Variants in ZC3H8 observed in about 807,000 individuals in gnomAD.
ZC3H8 encodes zinc finger CCCH-type containing 8, also known as zinc finger CCCH domain-containing protein 8.
ZC3H8 carries 27 observed loss-of-function variants against 42.5 expected under a neutral mutation model. The ratio of observed to expected loss-of-function variants is 0.64; its 90% CI spans 0.47 to 0.88. The LOEUF is 0.88. ZC3H8 is among the 40% of genes least tolerant of loss of function. ZC3H8 has a pLI of 0.00. For missense variants in ZC3H8, 277 were observed against 336.1 expected (o/e 0.82, Z 1.37); for synonymous variants, 101 against 110.1 (o/e 0.92, Z 0.52).
chr2:112,214,603 T>TA lies in ZC3H8; in HGVS notation c.*1880dup, dbSNP rs1558913308. Reference sequence around the variant, plus strand: ...TGGTATGGCTACAATGGCTAGGTGATAGAGTACTTTGGACGAATGGCTCTT... The same window carrying TA: ...TGGTATGGCTACAATGGCTAGGTGATAAGAGTACTTTGGACGAATGGCTCTT... On this transcript the variant is annotated 3_prime_UTR_variant, in exon 9 of 9. Coordinates refer to ENST00000409573, the MANE Select transcript of ZC3H8 (RefSeq NM_032494.3). 6.6e-6 allele frequency: 1 copy of TA among 152,188 alleles called. No homozygotes were observed. Among genetic ancestry groups the TA allele is most frequent in the African/African-American group, 2.4e-5 (1 of 41,420 alleles). The allele number at this position is 152,188 out of a possible 1,614,324, so 9.4% of individuals were successfully genotyped here. A position where few individuals can be genotyped will look rare whatever the true frequency, so the allele number is the denominator to read the frequency against.
intron 2 of ZC3H8, among the ~76,000 whole-genome samples, chr2:112,242,555 C>G (rs1685621871): frequency 1.3e-5 from 2 of 152,228 alleles, no homozygotes; most frequent in Middle Eastern, 3.4e-3. Flanking sequence ...CTTACCACAT[C>G]AAAACACAAA....
chr2:112,230,959 A>T lies in ZC3H8; in HGVS notation c.844-9T>A. The stretch of plus-strand genomic sequence containing the variant: ...TTTTCAGTATCCAAAACCTAATATA[A>T]AAAAAAAATCACATAATCATTTTTA... On this transcript the variant is annotated splice_polypyrimidine_tract_variant and intron_variant, in intron 7 of 8. Coordinates refer to ENST00000409573, the MANE Select transcript of ZC3H8 (RefSeq NM_032494.3). 1 of 1,235,408 alleles carries T rather than the reference A, an allele frequency of 8.1e-7. No homozygotes were observed. The highest frequency in any genetic ancestry group is 1.1e-6 in the Non-Finnish European group (1 of 938,854). 76.5% of individuals were successfully genotyped at this position (1,235,408 alleles called of 1,614,324 possible).
At chr2:112,240,984 TGCGC>T (rs749968538) in intron 2 of ZC3H8, among the ~76,000 whole-genome samples, 2,344 of 132,298 alleles carry the variant, frequency 0.018, 37 homozygotes, top group South Asian at 0.062. Context: ...TGTGTGTGTG[TGCGC>T]GTGTGTATGT....
In ZC3H8 at chr2:112,216,295, C is replaced by T. The variant is rs984611164; in HGVS notation, c.*189G>A. ...GTCTCAGGGAAGACCAAGCCCTTCA[C>T]TTGTACATTAGATCCCAGCTCTCTG... On this transcript the variant is annotated 3_prime_UTR_variant, in exon 9 of 9. Transcript: ENST00000409573. 6.6e-6 allele frequency: 1 copy of T among 152,320 alleles called. No homozygotes were observed. Among genetic ancestry groups the T allele is most frequent in the Non-Finnish European group, 1.5e-5 (1 of 68,094 alleles). 9.4% of individuals were successfully genotyped at this position (152,320 alleles called of 1,614,324 possible). A position where few individuals can be genotyped will look rare whatever the true frequency, so the allele number is the denominator to read the frequency against.
At chr2:112,226,551 T>C (rs897585411) in intron 8 of ZC3H8, among the ~76,000 whole-genome samples, 2 of 125,234 alleles carry the variant, frequency 1.6e-5, no homozygotes, top group African/African-American at 6.4e-5. Context: ...ATTGTGCCAC[T>C]GCACTCCAGC....
chr2:112,222,148 T>G (rs1156391238), intron 8 of ZC3H8, among the ~76,000 whole-genome samples: 1 of 152,192 alleles, frequency 6.6e-6, no homozygotes, highest in Non-Finnish European at 1.5e-5. Context: ...CCTCTCTGAT[T>G]ACTGTCTCTG....
chr2:112,244,304 G>A (rs1685685292), intron 2 of ZC3H8, among the ~76,000 whole-genome samples: 1 of 151,972 alleles, frequency 6.6e-6, no homozygotes, highest in Non-Finnish European at 1.5e-5. Context: ...TCAACAATGA[G>A]GTAAATTCAA....
intron 8 of ZC3H8, among the ~76,000 whole-genome samples, chr2:112,219,234 T>C (rs1309484511): frequency 6.6e-6 from 1 of 152,108 alleles, no homozygotes; most frequent in Non-Finnish European, 1.5e-5. Flanking sequence ...GCATAAAAGA[T>C]AGACATATAG....
At chr2:112,223,418 AAAG>A (rs1684681885) in intron 8 of ZC3H8, among the ~76,000 whole-genome samples, 1 of 152,182 alleles carries the variant, frequency 6.6e-6, no homozygotes, top group Admixed American at 6.5e-5. Context: ...CCATTAAAAA[AAAG>A]AAATGAGTGT....
chr2:112,221,913 G>A (rs1296705078), intron 8 of ZC3H8, among the ~76,000 whole-genome samples: 1 of 152,178 alleles, frequency 6.6e-6, no homozygotes, highest in African/African-American at 2.4e-5. Flanking sequence ...AACTGGTACA[G>A]TCATTTGGAG....
At chr2:112,254,140 G>C (rs1340573873) in intron 1 of ZC3H8, 1 of 985,372 alleles carries the variant, frequency 1.0e-6, no homozygotes, top group Non-Finnish European at 1.2e-6. Context: ...ATTTGAGATA[G>C]AGTGAACAGC....
intron 1 of ZC3H8, among the ~76,000 whole-genome samples, chr2:112,253,037 G>A (rs1387075820): frequency 6.6e-6 from 1 of 152,054 alleles, no homozygotes; most frequent in East Asian, 1.9e-4. Context: ...GGGAGGCTGA[G>A]GCAGGAGAAT....
At chr2:112,238,674 T>C (rs1454571848) in intron 2 of ZC3H8, 146 bp from the exon 3 acceptor site, 1 of 511,414 alleles carries the variant, frequency 2.0e-6, no homozygotes, top group Non-Finnish European at 3.2e-6. Context: ...TTCTCTCCAC[T>C]CATATATTTG....
chr2:112,226,275 ATC>A (rs1684825877), intron 8 of ZC3H8, among the ~76,000 whole-genome samples: 1 of 151,796 alleles, frequency 6.6e-6, no homozygotes, highest in Non-Finnish European at 1.5e-5. Context: ...CAGAAATTGA[ATC>A]TGTTATGTAA....
In ZC3H8 at chr2:112,224,727, C is replaced by G. The variant is rs1478756486; in HGVS notation, c.*15+6176G>C. Among the ~76,000 whole-genome samples the G allele has an allele frequency of 2.0e-5, 3 of 152,150 alleles. No homozygotes were observed. The East Asian group carries it at 5.8e-4, about 29-fold the overall frequency. On this transcript the variant is annotated intron_variant, in intron 8 of 8. Transcript: ENST00000409573. ...TGAGCAAAAGACACAAGAGTGTAGA[C>G]TATATAATTCTGCTTATATGAAATT...
intron 2 of ZC3H8, among the ~76,000 whole-genome samples, chr2:112,244,516 G>A (rs1383548136): frequency 6.6e-6 from 1 of 152,084 alleles, no homozygotes; most frequent in East Asian, 1.9e-4. Flanking sequence ...AAAGTTATAG[G>A]CATACCTTAT....
At chr2:112,239,709 C>G (rs981397089) in intron 2 of ZC3H8, among the ~76,000 whole-genome samples, 7 of 151,576 alleles carry the variant, frequency 4.6e-5, no homozygotes, top group Non-Finnish European at 1.0e-4. Flanking sequence ...CTCAGCCTCC[C>G]GAGTAGCTGG....
chr2:112,239,231 A>C (rs1302290724), intron 2 of ZC3H8, among the ~76,000 whole-genome samples: 2 of 152,252 alleles, frequency 1.3e-5, no homozygotes, highest in East Asian at 3.8e-4. Flanking sequence ...GACTTAAAGC[A>C]ATTTCTGCAT....
rs181812583 is a variant in ZC3H8 at position 112,213,572 on chromosome 2, C to G, written c.*2912G>C. On this transcript the variant is annotated 3_prime_UTR_variant, in exon 9 of 9. Transcript: ENST00000409573. ...TGGGTGGATCACGAGGTCAGGAGAT[C>G]GAGACCATCTTGGCTAATACAGTGA... The G allele has an allele frequency of 6.6e-6, 1 of 151,318 alleles. No homozygotes were observed. The highest frequency in any genetic ancestry group is 2.4e-5 in the African/African-American group (1 of 41,134). 9.4% of individuals were successfully genotyped at this position (151,318 alleles called of 1,614,324 possible). A position where few individuals can be genotyped will look rare whatever the true frequency, so the allele number is the denominator to read the frequency against.
Sources: gnomAD v4.1 joint callset for allele counts (sites outside exome capture counted in the v4.1 genomes callset) on GRCh38, gnomAD v4.1.1 for gene constraint, MANE v1.5 for transcripts, NCBI Gene and HGNC (gene_info 2026-07-23, HGNC 2026-07-21) for gene names.